The following ASTN2 variants were observed in gnomAD, a reference collection of about 807,000 sequenced individuals.
ASTN2 encodes astrotactin 2.
A neutral mutation model predicts 139.8 loss-of-function variants in ASTN2; 54 were observed. The observed-to-expected ratio is 0.39, with a 90% CI of 0.31 to 0.48. The LOEUF (loss-of-function observed/expected upper bound fraction) is 0.48, where lower values mean the gene tolerates loss of function less well. Ranked by LOEUF, ASTN2 falls within the 20% of genes least tolerant of loss-of-function variation. The pLI is 0.95. For missense variants in ASTN2, 1,565 were observed against 1,725.1 expected, an observed-to-expected ratio of 0.91 and a Z score of 1.64; for synonymous variants, 756 against 719.5, an observed-to-expected ratio of 1.05 and a Z score of -0.81.
intron 1 of ASTN2, among the ~76,000 whole-genome samples, chr9:117,303,900 G>A (rs1243989451): frequency 1.3e-5 from 2 of 152,198 alleles, no homozygotes; most frequent in South Asian, 2.1e-4. Context: ...AAGCGTTTAT[G>A]TACTGGGGCT....
At chr9:117,365,084 G>A (rs1829800590) in intron 1 of ASTN2, among the ~76,000 whole-genome samples, 1 of 151,680 alleles carries the variant, frequency 6.6e-6, no homozygotes, top group Non-Finnish European at 1.5e-5. Context: ...TGGAGGTAGA[G>A]GTTGCAGTAA....
intron 3 of ASTN2, among the ~76,000 whole-genome samples, chr9:117,162,373 G>A (rs994154367): frequency 2.0e-5 from 3 of 151,974 alleles, no homozygotes; most frequent in African/African-American, 4.8e-5. Flanking sequence ...TTTACACCAG[G>A]GAAATGTATG....
At chr9:117,019,650 T>C (rs1339324466) in intron 6 of ASTN2, among the ~76,000 whole-genome samples, 3 of 152,110 alleles carry the variant, frequency 2.0e-5, no homozygotes, top group Non-Finnish European at 4.4e-5. Context: ...CCAGGGTGGC[T>C]GAGGTCCACG....
At chr9:117,364,720 C>T (rs960824567) in intron 1 of ASTN2, among the ~76,000 whole-genome samples, 4 of 152,022 alleles carry the variant, frequency 2.6e-5, no homozygotes, top group African/African-American at 9.7e-5. Flanking sequence ...AGCATCTGGG[C>T]TTAAACTTAA....
intron 13 of ASTN2, among the ~76,000 whole-genome samples, chr9:116,774,520 T>C (rs970634075): frequency 6.6e-6 from 1 of 152,162 alleles, no homozygotes; most frequent in Non-Finnish European, 1.5e-5. Context: ...TTTTGCATTA[T>C]TCCATTTAAT....
intron 13 of ASTN2, among the ~76,000 whole-genome samples, chr9:116,804,224 A>G (rs933496020): frequency 5.9e-5 from 9 of 152,130 alleles, no homozygotes; most frequent in Admixed American, 4.6e-4. Context: ...CTGAATTGAA[A>G]TACAAGAGCA....
chr9:116,548,237 G>A (rs1852189783), intron 19 of ASTN2, among the ~76,000 whole-genome samples: 1 of 152,170 alleles, frequency 6.6e-6, no homozygotes, highest in Admixed American at 6.5e-5. Flanking sequence ...CTCCATCAGA[G>A]GCCGTGGCAT....
chr9:116,614,438 A>G (rs1403298076), intron 19 of ASTN2, among the ~76,000 whole-genome samples: 1 of 152,166 alleles, frequency 6.6e-6, no homozygotes, highest in Non-Finnish European at 1.5e-5. Flanking sequence ...AAAAAGAACA[A>G]AGCTGGAGGC....
intron 22 of ASTN2, among the ~76,000 whole-genome samples, chr9:116,433,769 G>T (rs950587522): frequency 4.6e-5 from 7 of 152,104 alleles, no homozygotes; most frequent in Non-Finnish European, 1.0e-4. Flanking sequence ...ATCCAACAAA[G>T]TCAGAAGCTC....
At chr9:116,786,771 C>G (rs1017036914) in intron 13 of ASTN2, among the ~76,000 whole-genome samples, 4 of 152,160 alleles carry the variant, frequency 2.6e-5, no homozygotes, top group African/African-American at 7.2e-5. Context: ...CCACTGAAAT[C>G]TCATCTTGAA....
intron 1 of ASTN2, among the ~76,000 whole-genome samples, chr9:117,406,971 T>C (rs1199394995): frequency 6.6e-6 from 1 of 151,830 alleles, no homozygotes; most frequent in Non-Finnish European, 1.5e-5. Flanking sequence ...CCTAGGCACA[T>C]AGAACAGTGA....
chr9:117,221,988 A>G (rs1199737740), intron 2 of ASTN2, among the ~76,000 whole-genome samples: 1 of 152,184 alleles, frequency 6.6e-6, no homozygotes, highest in Non-Finnish European at 1.5e-5. Context: ...GAATTGTGAC[A>G]ATTTGATCTA....
intron 7 of ASTN2, among the ~76,000 whole-genome samples, chr9:117,001,204 A>G (rs1837181803): frequency 6.6e-6 from 1 of 152,204 alleles, no homozygotes; most frequent in African/African-American, 2.4e-5. Context: ...AGGAATGATA[A>G]CCAGTGCTTT....
intron 19 of ASTN2, among the ~76,000 whole-genome samples, chr9:116,608,965 C>T (rs374905202): frequency 1.1e-4 from 17 of 152,092 alleles, no homozygotes; most frequent in African/African-American, 4.1e-4. Flanking sequence ...AAAAATAATG[C>T]TGGATGGGAT....
intron 3 of ASTN2, chr9:117,180,962 C>T (rs763016288): frequency 1.9e-6 from 3 of 1,597,824 alleles, no homozygotes; most frequent in Non-Finnish European, 2.5e-6. Flanking sequence ...CCAATGTGAA[C>T]CCTGGTCACA....
chr9:117,194,814 A>G (rs970628690), intron 3 of ASTN2, among the ~76,000 whole-genome samples: 2 of 152,230 alleles, frequency 1.3e-5, no homozygotes, highest in African/African-American at 4.8e-5. Context: ...GATAAGGATA[A>G]TACATTCTTT....
chr9:116,794,437 A>G (rs1830639196), intron 13 of ASTN2, among the ~76,000 whole-genome samples: 1 of 152,144 alleles, frequency 6.6e-6, no homozygotes, highest in Non-Finnish European at 1.5e-5. Flanking sequence ...ACAAATTTGC[A>G]TTAGGCCACA....
chr9:117,222,923 T>C (rs1832574152), intron 2 of ASTN2, among the ~76,000 whole-genome samples: 1 of 151,734 alleles, frequency 6.6e-6, no homozygotes, highest in Non-Finnish European at 1.5e-5. Flanking sequence ...CTTAAAACCA[T>C]ACAACCAAGT....
intron 19 of ASTN2, among the ~76,000 whole-genome samples, chr9:116,598,346 C>T (rs4836775): frequency 0.94 from 142,486 of 152,276 alleles, 66,700 homozygotes; most frequent in East Asian, 0.96. Context: ...CAGAAGACCC[C>T]ATGTATGTGT....
Sources: allele counts gnomAD v4.1 joint callset (sites outside exome capture counted in the v4.1 genomes callset), GRCh38; gene constraint gnomAD v4.1.1; transcripts MANE v1.5; gene names NCBI Gene and HGNC (gene_info 2026-07-23, HGNC 2026-07-21).